Variants in DIRAS3 observed in about 807,000 individuals in gnomAD.
DIRAS3 encodes GTP-binding protein Di-Ras3.
For missense variants in DIRAS3, 248 were observed against 300.6 expected (o/e 0.83, Z 1.29); for synonymous variants, 133 against 131.4 (o/e 1.01, Z -0.08).
In DIRAS3 at chr1:68,047,336, CCA is replaced by C; in HGVS notation, c.-41_-40del. The C allele has an allele frequency of 6.3e-7, 1 of 1,578,718 alleles. No individual in the cohort carries two copies. The highest frequency in any genetic ancestry group is 1.7e-5 in the Admixed American group (1 of 57,938). On this transcript the variant is annotated 5_prime_UTR_variant, in exon 2 of 2. Transcript: ENST00000646789. ...AGGGGAGATACGTGCACAAGTTCTC[CCA>C]CACTTAGCTGGCAGCAGGAGACCCC...
In DIRAS3 at chr1:68,046,665, C is replaced by A; in HGVS notation, c.633G>T (p.Lys211Asn). The A allele has an allele frequency of 6.2e-7, 1 of 1,614,186 alleles. No individual in the cohort carries two copies. Among genetic ancestry groups the A allele is most frequent in the East Asian group, 2.2e-5 (1 of 44,880 alleles). The change falls in exon 2 of 2, where the codon AAG becomes AAT. Residue 211 changes from lysine (K) to asparagine (N), a missense_variant. Coordinates refer to ENST00000646789, the MANE Select transcript of DIRAS3 (RefSeq NM_004675.5). ...CAGTGGTGTTGGGCATCTGGGATTT[C>A]TTCTCGGGCTCCTGGAGGCCGGTGG... ...KPTTGLQEPE[K>N]KSQMPNTTEK...
In DIRAS3 at chr1:68,047,361, C is replaced by A. The variant is rs1645684162; in HGVS notation, c.-64G>T. 1 of 1,466,296 alleles carries A rather than the reference C, an allele frequency of 6.8e-7. No homozygotes were observed. Among genetic ancestry groups the A allele is most frequent in the Non-Finnish European group, 9.3e-7 (1 of 1,077,228 alleles). The allele number at this position is 1,466,296 out of a possible 1,614,324, so 90.8% of individuals were successfully genotyped here. Reference sequence around the variant, plus strand: ...CCACACTTAGCTGGCAGCAGGAGACCCCTAGGAAGAAAGTGAGACGGTGAG... The same window carrying A: ...CCACACTTAGCTGGCAGCAGGAGACACCTAGGAAGAAAGTGAGACGGTGAG... On this transcript the variant is annotated splice_region_variant and 5_prime_UTR_variant, in exon 2 of 2. Coordinates refer to ENST00000646789, the MANE Select transcript of DIRAS3 (RefSeq NM_004675.5).
chr1:68,047,346 C>T lies in DIRAS3; in HGVS notation c.-49G>A, dbSNP rs1409179862. ...CGTGCACAAGTTCTCCCACACTTAG[C>T]TGGCAGCAGGAGACCCCTAGGAAGA... On this transcript the variant is annotated 5_prime_UTR_variant, in exon 2 of 2. Transcript: ENST00000646789. 4 of 1,554,550 alleles carry T rather than the reference C, an allele frequency of 2.6e-6. No individual in the cohort carries two copies. The highest frequency in any genetic ancestry group is 3.5e-6 in the Non-Finnish European group (4 of 1,142,068).
In DIRAS3 at chr1:68,046,468, C is replaced by T. The variant is rs530481646; in HGVS notation, c.*140G>A. On this transcript the variant is annotated 3_prime_UTR_variant, in exon 2 of 2. Coordinates refer to ENST00000646789, the MANE Select transcript of DIRAS3 (RefSeq NM_004675.5). ...GGGAAAAAGAAAAGTTATCCACTTA[C>T]AAGGTATACGTATTGACAACATGGA... The T allele has an allele frequency of 1.4e-4, 109 of 752,580 alleles. 2 individuals are homozygous for T. The South Asian group carries it at 1.8e-3, about 13-fold the overall frequency. The allele number at this position is 752,580 out of a possible 1,614,324, so 46.6% of individuals were successfully genotyped here. A position where few individuals can be genotyped will look rare whatever the true frequency, so the allele number is the denominator to read the frequency against.
At chr1:68,048,049 A>AT (rs1553173940) in intron 1 of DIRAS3, among the ~76,000 whole-genome samples, 2 of 7,274 alleles carry the variant, frequency 2.7e-4, no homozygotes, top group Non-Finnish European at 4.9e-4. Flanking sequence ...AAAAAAAAAA[A>AT]ATATATATAT....
rs763442627 is a variant in DIRAS3, at chr1:68,047,216, CG to C, written c.81del (p.Ala28ProfsTer15). The C allele has an allele frequency of 6.2e-7, 1 of 1,614,032 alleles. No individual in the cohort carries two copies. Among genetic ancestry groups the C allele is most frequent in the Non-Finnish European group, 8.5e-7 (1 of 1,180,034 alleles). On this transcript the variant is annotated frameshift_variant, in exon 2 of 2. Coordinates refer to ENST00000646789, the MANE Select transcript of DIRAS3 (RefSeq NM_004675.5). LOFTEE classifies it low-confidence loss of function (END_TRUNC). ...LRLLPALLIL[R>X]AFKPHRKIRD... ...CTGATCTTCCTGTGGGGCTTGAAGG[CG>C]CGGAGGATAAGCAGGGCGGGCAGAA...
intron 1 of DIRAS3, 65 bp from the exon 2 acceptor site, chr1:68,047,427 G>A: frequency 1.2e-6 from 1 of 812,512 alleles, no homozygotes; most frequent in East Asian, 2.7e-5. Context: ...GATCATGTCA[G>A]CCTGGCCAGC....
chr1:68,046,979 C>T lies in DIRAS3; in HGVS notation c.319G>A (p.Ala107Thr), dbSNP rs150524521. Residue 107 changes from alanine to threonine, a missense_variant, in exon 2 of 2, where the codon GCC becomes ACC. By Grantham distance (58) the Ala-to-Thr change is moderately conservative (BLOSUM62 0). Transcript: ENST00000646789. ...ACCAGGACGAAGGCGTGGCCCCGGG[C>T]TATAACGTGGCGCTGCAGAGCGCGG... ...GNRALQRHVI[A>T]RGHAFVLVYS... 6.2e-7 allele frequency: 1 copy of T among 1,614,184 alleles called. No homozygotes were observed. The highest frequency in any genetic ancestry group is 8.5e-7 in the Non-Finnish European group (1 of 1,180,038).
chr1:68,046,428 T>C lies in DIRAS3; in HGVS notation c.*180A>G. 1 of 580,064 alleles carries C rather than the reference T, an allele frequency of 1.7e-6. No homozygotes were observed. Among genetic ancestry groups the C allele is most frequent in the South Asian group, 2.6e-5 (1 of 38,478 alleles). The allele number at this position is 580,064 out of a possible 1,614,324, so 35.9% of individuals were successfully genotyped here. On this transcript the variant is annotated 3_prime_UTR_variant, in exon 2 of 2. Coordinates refer to ENST00000646789, the MANE Select transcript of DIRAS3 (RefSeq NM_004675.5). Reference sequence around the variant, plus strand: ...TTCAAATGCCAATGTTTTAACAATTTGAATTCTCTGGCCTGGGAAAAAGAA... The same window carrying C: ...TTCAAATGCCAATGTTTTAACAATTCGAATTCTCTGGCCTGGGAAAAAGAA...
rs1291201387 is a variant in DIRAS3 at position 68,046,494 on chromosome 1, TG to T, written c.*113del. 1.0e-6 allele frequency: 1 copy of T among 967,312 alleles called. No homozygotes were observed. The highest frequency in any genetic ancestry group is 1.6e-5 in the African/African-American group (1 of 61,198). 59.9% of individuals were successfully genotyped at this position (967,312 alleles called of 1,614,324 possible). On this transcript the variant is annotated 3_prime_UTR_variant, in exon 2 of 2. Coordinates refer to ENST00000646789, the MANE Select transcript of DIRAS3 (RefSeq NM_004675.5). ...AAGGTATACGTATTGACAACATGGATGTTACAGTCCAAACAACAGCACAAAA... is the reference window on the plus strand; with the variant it reads ...AAGGTATACGTATTGACAACATGGATTTACAGTCCAAACAACAGCACAAAA...
Position 68,046,632 on chromosome 1 carries a change from C to T in DIRAS3, c.666G>A (p.Leu222=), listed in dbSNP as rs1173466681. The T allele has an allele frequency of 6.2e-7, 1 of 1,614,034 alleles. No individual in the cohort carries two copies. Among genetic ancestry groups the T allele is most frequent in the African/African-American group, 1.3e-5 (1 of 75,018 alleles). ...KSQMPNTTEK[L]LDKCIIM is the part of the protein sequence containing the mutation. ...CTCACATGATTATGCACTTGTCAAGCAGCTTCTCAGTGGTGTTGGGCATCT... is the reference window on the plus strand; with the variant it reads ...CTCACATGATTATGCACTTGTCAAGTAGCTTCTCAGTGGTGTTGGGCATCT... Residue 222 remains leucine, a synonymous_variant, in exon 2 of 2, where the codon CTG becomes CTA. Transcript: ENST00000646789.
In DIRAS3 at chr1:68,046,230, C is replaced by T. The variant is rs1473103097; in HGVS notation, c.*378G>A. On this transcript the variant is annotated 3_prime_UTR_variant, in exon 2 of 2. Transcript: ENST00000646789. Reference sequence around the variant, plus strand: ...ATTAAAAGATATGATTAAGCACTTACAGGATGTGAAATATTTAAAGGTAAT... The same window carrying T: ...ATTAAAAGATATGATTAAGCACTTATAGGATGTGAAATATTTAAAGGTAAT... 1 of 168,868 alleles carries T rather than the reference C, an allele frequency of 5.9e-6. No homozygotes were observed. Among genetic ancestry groups the T allele is most frequent in the Non-Finnish European group, 1.3e-5 (1 of 77,870 alleles). 10.5% of individuals were successfully genotyped at this position (168,868 alleles called of 1,614,324 possible).
Position 68,046,530 on chromosome 1 carries a change from T to A in DIRAS3, c.*78A>T. 1 of 1,339,864 alleles carries A rather than the reference T, an allele frequency of 7.5e-7. No homozygotes were observed. Among genetic ancestry groups the A allele is most frequent in the African/African-American group, 1.5e-5 (1 of 68,368 alleles). The allele number at this position is 1,339,864 out of a possible 1,614,324, so 83.0% of individuals were successfully genotyped here. ...AAACAACAGCACAAAATCAACCATG[T>A]ACATGTAACATAGTGAAATGAGTCC... is the stretch of plus-strand genomic sequence containing the variant. On this transcript the variant is annotated 3_prime_UTR_variant, in exon 2 of 2. Coordinates refer to ENST00000646789, the MANE Select transcript of DIRAS3 (RefSeq NM_004675.5).
At chr1:68,048,043 AAAAAAAATATATATATATAT>A (rs1363931841) in intron 1 of DIRAS3, among the ~76,000 whole-genome samples, 1 of 46,348 alleles carries the variant, frequency 2.2e-5, no homozygotes, top group Non-Finnish European at 3.9e-5. Flanking sequence ...AAAAAAAAAA[AAAAAAAATATATATATATAT>A]ATATATATAT....
At position 68,047,028 on chromosome 1, in the gene DIRAS3, G is replaced by A. The variant is rs11554042; in HGVS notation, c.270C>T (p.Thr90=). Residue 90 remains threonine, a synonymous_variant, in exon 2 of 2, where the codon ACC becomes ACT. Coordinates refer to ENST00000646789, the MANE Select transcript of DIRAS3 (RefSeq NM_004675.5). ...GGTTGCCGTCGCCACTCTTGCTGTC[G>A]GTGATGTGCAGGGAAAGCACACCGT... The part of the protein sequence containing the change: ...CSHGVLSLHI[T]DSKSGDGNRA... 5.6e-5 allele frequency: 90 copies of A among 1,614,190 alleles called. No individual in the cohort carries two copies. Among genetic ancestry groups the A allele is most frequent in the Middle Eastern group, 3.3e-4 (2 of 6,062 alleles).
rs1313550277 is a variant in DIRAS3, at chr1:68,046,284, C to G, written c.*324G>C. The G allele has an allele frequency of 1.4e-5, 3 of 208,870 alleles. No homozygotes were observed. The highest frequency in any genetic ancestry group is 2.9e-5 in the Non-Finnish European group (3 of 103,428). 12.9% of individuals were successfully genotyped at this position (208,870 alleles called of 1,614,324 possible). ...CAATAATCGGGTTACCAAAAGGACG[C>G]CTTCCAATTTTTCTTTCTATTCATT... is the stretch of plus-strand genomic sequence containing the variant. On this transcript the variant is annotated 3_prime_UTR_variant, in exon 2 of 2. Coordinates refer to ENST00000646789, the MANE Select transcript of DIRAS3 (RefSeq NM_004675.5).
Position 68,050,106 on chromosome 1 carries a change from G to A in DIRAS3, c.-66+442C>T, listed in dbSNP as rs556222719. Reference sequence around the variant, plus strand: ...CTCAAGGTCCCGCCGCTGCTGTTGCGGCACCAGCCTGGCTCATGGACATCA... The same window carrying A: ...CTCAAGGTCCCGCCGCTGCTGTTGCAGCACCAGCCTGGCTCATGGACATCA... On this transcript the variant is annotated intron_variant, in intron 1 of 1. Transcript: ENST00000646789. This position sits in a 1 kb window ranked among gnomAD's most constrained non-coding sequence, Gnocchi z 4.5. Among the ~76,000 whole-genome samples, 48 of 152,274 alleles carry A rather than the reference G, an allele frequency of 3.2e-4. No homozygotes were observed. Among genetic ancestry groups the A allele is most frequent in the African/African-American group, 1.1e-3 (47 of 41,562 alleles).
rs147411653 is a variant in DIRAS3 at position 68,050,248 on chromosome 1, C to A, written c.-66+300G>T. On this transcript the variant is annotated intron_variant, in intron 1 of 1. Coordinates refer to ENST00000646789, the MANE Select transcript of DIRAS3 (RefSeq NM_004675.5). This position sits in a 1 kb window ranked among gnomAD's most constrained non-coding sequence, Gnocchi z 4.5. ...TCCACTATTACTTCCTGAACACTAG[C>A]TACCTACGCAGCTGTAATAGTGGAC... 4.6e-4 allele frequency among the ~76,000 whole-genome samples: 70 copies of A among 152,344 alleles called. No homozygotes were observed. The highest frequency in any genetic ancestry group is 9.1e-4 in the Admixed American group (14 of 15,310).
chr1:68,048,742 T>TG (rs906994269), intron 1 of DIRAS3, among the ~76,000 whole-genome samples: 1 of 128,778 alleles, frequency 7.8e-6, no homozygotes, highest in Admixed American at 7.2e-5. Flanking sequence ...TTTTTTTTTT[T>TG]TTGTTTTTTT....
Sources: allele counts gnomAD v4.1 joint callset (sites outside exome capture counted in the v4.1 genomes callset), GRCh38; gene constraint gnomAD v4.1.1; non-coding constraint Gnocchi (gnomAD v3.1); transcripts MANE v1.5; gene names NCBI Gene and HGNC (gene_info 2026-07-23, HGNC 2026-07-21).